NEK8: variants seen among roughly 807,000 people sequenced by gnomAD.
NEK8 encodes serine/threonine-protein kinase Nek8.
A neutral mutation model predicts 77.2 loss-of-function variants in NEK8; 51 were observed. The observed-to-expected ratio is 0.66, with a 90% confidence interval of 0.53 to 0.83. The LOEUF (loss-of-function observed/expected upper bound fraction) is 0.83. Among genes scored for constraint, NEK8 ranks in the 40% least tolerant of loss-of-function variants. NEK8 has a pLI of 0.00. For missense variants in NEK8, 787 were observed against 909.2 expected (o/e 0.87, Z 1.73); for synonymous variants, 365 against 363.2 (o/e 1.00, Z -0.06).
Position 28,738,100 on chromosome 17 carries a change from AC to A in NEK8, c.1081del (p.Leu361Ter). 1 of 1,613,314 alleles carries A rather than the reference AC, an allele frequency of 6.2e-7. No individual in the cohort carries two copies. The highest frequency in any genetic ancestry group is 2.2e-5 in the East Asian group (1 of 44,858). ...CCATCCCCCTGCCCCTGCAGGCCCC[AC>A]CCCTAGGTGCAGGCGGAGGCAGTCT... Reference protein sequence around the residue: ...SGRLILWEAPPLGAGGGSLLP... With the variant: ...SGRLILWEAPXLGAGGGSLLP... On this transcript the variant is annotated frameshift_variant, in exon 8 of 15. Coordinates refer to ENST00000268766, the MANE Select transcript of NEK8 (RefSeq NM_178170.3). LOFTEE classifies it high-confidence loss of function.
chr17:28,739,605 C>T (rs762642695), intron 10 of NEK8, among the ~76,000 whole-genome samples: 3 of 152,186 alleles, frequency 2.0e-5, no homozygotes, highest in Admixed American at 6.5e-5. Flanking sequence ...CCCGCCACCG[C>T]GCCCAGCAAA....
In NEK8 at chr17:28,739,214, CT is replaced by C; in HGVS notation, c.1417+16del. On this transcript the variant is annotated intron_variant, in intron 10 of 14. Transcript: ENST00000268766. ...CGTGGAGACAGCGGTAAGCTCCAGC[CT>C]TTAGGCCCCATCTCACAGCATCCTC... 1 of 1,563,784 alleles carries C rather than the reference CT, an allele frequency of 6.4e-7. No individual in the cohort carries two copies. Among genetic ancestry groups the C allele is most frequent in the Non-Finnish European group, 8.8e-7 (1 of 1,134,026 alleles).
At position 28,735,219 on chromosome 17, in the gene NEK8, AT is replaced by A; in HGVS notation, c.487-20del. 6.2e-7 allele frequency: 1 copy of A among 1,613,708 alleles called. No homozygotes were observed. Among genetic ancestry groups the A allele is most frequent in the Non-Finnish European group, 8.5e-7 (1 of 1,179,904 alleles). ...GGTCTTCCCTCCCTGCAGGGCTGTGATCCCAGCTTCTATCCTGCAGGTGGTG... is the reference window on the plus strand; with the variant it reads ...GGTCTTCCCTCCCTGCAGGGCTGTGACCCAGCTTCTATCCTGCAGGTGGTG... On this transcript the variant is annotated intron_variant, in intron 3 of 14. Coordinates refer to ENST00000268766, the MANE Select transcript of NEK8 (RefSeq NM_178170.3).
chr17:28,734,519 C>T (rs948773601), intron 2 of NEK8: 6 of 485,340 alleles, frequency 1.2e-5, no homozygotes, highest in Non-Finnish European at 2.2e-5. Flanking sequence ...ACTAAAAATA[C>T]AAAAAAAAAA....
rs775567721 is a variant in NEK8 at position 28,738,013 on chromosome 17, G to A, written c.1071+13G>A. 6.2e-7 allele frequency: 1 copy of A among 1,612,570 alleles called. No homozygotes were observed. Among genetic ancestry groups the A allele is most frequent in the Non-Finnish European group, 8.5e-7 (1 of 1,179,538 alleles). Reference sequence around the variant, plus strand: ...CATCCTGTGGGAGGTGAGCAGGCCAGGGGGTGGCCTGGATGGGTGGAGGTG... The same window carrying A: ...CATCCTGTGGGAGGTGAGCAGGCCAAGGGGTGGCCTGGATGGGTGGAGGTG... On this transcript the variant is annotated intron_variant, in intron 7 of 14. Transcript: ENST00000268766.
rs1053076121 is a variant in NEK8, at chr17:28,742,212, G to T, written c.*225G>T. The T allele has an allele frequency of 4.7e-6, 3 of 644,006 alleles. No homozygotes were observed. Among genetic ancestry groups the T allele is most frequent in the Non-Finnish European group, 8.5e-6 (3 of 353,352 alleles). The allele number at this position is 644,006 out of a possible 1,614,324, so 39.9% of individuals were successfully genotyped here. On this transcript the variant is annotated 3_prime_UTR_variant, in exon 15 of 15. Transcript: ENST00000268766. ...CCCTTCCTACCCCTTCCTCCCTTCA[G>T]TCAGTGTCCCCAGGGTCCAGCCTGG... is the stretch of plus-strand genomic sequence containing the variant.
At chr17:28,739,768 G>A (rs2034401787) in intron 10 of NEK8, among the ~76,000 whole-genome samples, 1 of 151,716 alleles carries the variant, frequency 6.6e-6, no homozygotes, top group Non-Finnish European at 1.5e-5. Context: ...TTTTTTTATT[G>A]AGGTCCTCTT....
intron 4 of NEK8, 55 bp downstream of exon 4, chr17:28,735,426 A>C (rs1368869933): frequency 3.2e-6 from 5 of 1,583,518 alleles, no homozygotes; most frequent in Non-Finnish European, 4.3e-6. Flanking sequence ...CTCGCCCAGC[A>C]GCCCTTGGCT....
At chr17:28,732,056 G>C (rs1357954713) in intron 1 of NEK8, among the ~76,000 whole-genome samples, 1 of 149,248 alleles carries the variant, frequency 6.7e-6, no homozygotes, top group Non-Finnish European at 1.5e-5. Context: ...TCAGTCTCCC[G>C]AGTAGCTGGG....
In NEK8 at chr17:28,740,690, T is replaced by C; in HGVS notation, c.1568+77T>C. On this transcript the variant is annotated intron_variant, in intron 11 of 14. Coordinates refer to ENST00000268766, the MANE Select transcript of NEK8 (RefSeq NM_178170.3). This position sits in a 1 kb window ranked among gnomAD's most constrained non-coding sequence, Gnocchi z 4.7. ...AGTGCTCCGTCCATCATTGCCTACC[T>C]TTCACCAAAGACCAGAATTGAGGGG... 1.9e-6 allele frequency: 3 copies of C among 1,593,960 alleles called. No homozygotes were observed. The highest frequency in any genetic ancestry group is 2.6e-6 in the Non-Finnish European group (3 of 1,162,376).
At position 28,735,240 on chromosome 17, in the gene NEK8, G is replaced by A. The variant is rs1597805653; in HGVS notation, c.487G>A (p.Val163Met). 6.2e-7 allele frequency: 1 copy of A among 1,614,052 alleles called. No homozygotes were observed. The highest frequency in any genetic ancestry group is 1.6e-4 in the Middle Eastern group (1 of 6,062). ...TGTGATCCCAGCTTCTATCCTGCAG[G>A]TGGTGGGTACCCCATGCTATATCTC... ...ILSSKSKAYTVVGTPCYISPE... is the reference protein window; with the variant it reads ...ILSSKSKAYTMVGTPCYISPE... The change falls in exon 4 of 15, where the codon GTG becomes ATG. Residue 163 changes from valine to methionine, a missense_variant and splice_region_variant. Around this residue, in one of 2 missense-constraint regions of NEK8, gnomAD observed 271 missense variants for 365.1 expected, o/e 0.74. Coordinates refer to ENST00000268766, the MANE Select transcript of NEK8 (RefSeq NM_178170.3).
At chr17:28,738,318 A>C in intron 8 of NEK8, 73 bp downstream of exon 8, 1 of 1,540,592 alleles carries the variant, frequency 6.5e-7, no homozygotes, top group Middle Eastern at 1.8e-4. Context: ...CTCTTGCAAA[A>C]CACGCACTTA....
At chr17:28,731,794 A>G (rs941929572) in intron 1 of NEK8, among the ~76,000 whole-genome samples, 63 of 148,570 alleles carry the variant, frequency 4.2e-4, no homozygotes, top group Admixed American at 2.8e-3. Flanking sequence ...TTTAGTAGAG[A>G]CGGGGTTTCA....
In NEK8 at chr17:28,732,132, G is replaced by A. The variant is rs933275096; in HGVS notation, c.48-1851G>A. 4.0e-5 allele frequency among the ~76,000 whole-genome samples: 6 copies of A among 151,042 alleles called. No individual in the cohort carries two copies. The East Asian group carries it at 9.7e-4, about 25-fold the overall frequency. Reference sequence around the variant, plus strand: ...TTTTTAGTAGAGACGGGGTTTCATCGTGTTAGCCAGGATAGTAAGATTTTT... The same window carrying A: ...TTTTTAGTAGAGACGGGGTTTCATCATGTTAGCCAGGATAGTAAGATTTTT... On this transcript the variant is annotated intron_variant, in intron 1 of 14. Transcript: ENST00000268766.
intron 2 of NEK8, 143 bp from the exon 3 acceptor site, chr17:28,734,629 G>A (rs1012756569): frequency 1.5e-6 from 1 of 657,664 alleles, no homozygotes; most frequent in African/African-American, 1.8e-5. Flanking sequence ...GCTTGCAGCA[G>A]TGAGCTGAGA....
Position 28,740,628 on chromosome 17 carries a change from A to G in NEK8, c.1568+15A>G, listed in dbSNP as rs1360143496. ...GGGAGCAACAGGTGAATAGATCATCAGGATGACTAACCTGCCCCTGGCTCT... is the reference window on the plus strand; with the variant it reads ...GGGAGCAACAGGTGAATAGATCATCGGGATGACTAACCTGCCCCTGGCTCT... On this transcript the variant is annotated intron_variant, in intron 11 of 14. Transcript: ENST00000268766. The surrounding 1 kb of genome is among the most constrained non-coding windows in gnomAD (Gnocchi z 4.7). 1 of 1,614,010 alleles carries G rather than the reference A, an allele frequency of 6.2e-7. No individual in the cohort carries two copies. Among genetic ancestry groups the G allele is most frequent in the Non-Finnish European group, 8.5e-7 (1 of 1,179,916 alleles).
In NEK8 at chr17:28,735,268, C is replaced by T; in HGVS notation, c.515C>T (p.Pro172Leu). The T allele has an allele frequency of 6.2e-7, 1 of 1,614,158 alleles. No homozygotes were observed. Among genetic ancestry groups the T allele is most frequent in the Non-Finnish European group, 8.5e-7 (1 of 1,180,006 alleles). ...GTGGGTACCCCATGCTATATCTCCC[C>T]TGAGCTGTGTGAGGGCAAGCCCTAC... is the stretch of plus-strand genomic sequence containing the variant. ...TVVGTPCYIS[P>L]ELCEGKPYNQ... The change falls in exon 4 of 15, where the codon CCT (proline) becomes CTT (leucine). Residue 172 changes from proline to leucine, a missense_variant. By Grantham distance (98) the Pro-to-Leu change is moderately conservative. Transcript: ENST00000268766.
At chr17:28,735,175 G>A (rs2034351212) in intron 3 of NEK8, 65 bp from the exon 4 acceptor site, 1 of 1,606,100 alleles carries the variant, frequency 6.2e-7, no homozygotes, top group South Asian at 1.1e-5. Context: ...CCCCAAATGG[G>A]CTTATGCACA....
Position 28,740,011 on chromosome 17 carries a change from C to T in NEK8, c.1418-452C>T, listed in dbSNP as rs539324337. Among the ~76,000 whole-genome samples, 2 of 152,040 alleles carry T rather than the reference C, an allele frequency of 1.3e-5. No homozygotes were observed. The highest frequency in any genetic ancestry group is 2.4e-5 in the African/African-American group (1 of 41,486). ...TTAAAGGAGGAGGATTTTGAGCCGG[C>T]GTGGTGGCTCACGCCTGTAATCCCA... On this transcript the variant is annotated intron_variant, in intron 10 of 14. Coordinates refer to ENST00000268766, the MANE Select transcript of NEK8 (RefSeq NM_178170.3). This position sits in a 1 kb window ranked among gnomAD's most constrained non-coding sequence, Gnocchi z 4.7.
Sources: allele counts gnomAD v4.1 joint callset (sites outside exome capture counted in the v4.1 genomes callset), GRCh38; gene constraint gnomAD v4.1.1; regional missense constraint gnomAD v4.1.1; non-coding constraint Gnocchi (gnomAD v3.1); transcripts MANE v1.5; gene names NCBI Gene and HGNC (gene_info 2026-07-23, HGNC 2026-07-21).